IPO9: variants seen among roughly 807,000 people sequenced by gnomAD.
The protein encoded by IPO9 is importin 9, also known as importin-9.
A neutral mutation model predicts 128.6 loss-of-function variants in IPO9; 28 were observed. The ratio of observed to expected loss-of-function variants is 0.22; its 90% CI spans 0.16 to 0.30. The LOEUF (loss-of-function observed/expected upper bound fraction) is 0.30, where lower values mean the gene tolerates loss of function less well. Among genes scored for constraint, IPO9 ranks in the 10% least tolerant of loss-of-function variants. The pLI is 1.00. For synonymous variants in IPO9, 455 were observed against 475.8 expected (o/e 0.96, Z 0.57); for missense variants, 935 against 1,293.9 (o/e 0.72, Z 4.26).
rs1409850121 is a variant in IPO9 at position 201,876,201 on chromosome 1, T to C, written c.*147T>C. On this transcript the variant is annotated 3_prime_UTR_variant, in exon 24 of 24. Coordinates refer to ENST00000361565, the MANE Select transcript of IPO9 (RefSeq NM_018085.5). Reference sequence around the variant, plus strand: ...GCCTCGGCAGTGACACTGATGACAATTCAGACCAGGCTCACCGGTGCCGTC... The same window carrying C: ...GCCTCGGCAGTGACACTGATGACAACTCAGACCAGGCTCACCGGTGCCGTC... The C allele has an allele frequency of 1.3e-6, 1 of 750,300 alleles. No homozygotes were observed. The highest frequency in any genetic ancestry group is 2.5e-6 in the Non-Finnish European group (1 of 403,640). 46.5% of individuals were successfully genotyped at this position (750,300 alleles called of 1,614,324 possible).
intron 1 of IPO9, among the ~76,000 whole-genome samples, chr1:201,838,507 C>G (rs901889088): frequency 1.3e-5 from 2 of 152,144 alleles, no homozygotes; most frequent in African/African-American, 4.8e-5. Flanking sequence ...ATAGATTTAA[C>G]CAGAGTCTGT....
intron 1 of IPO9, among the ~76,000 whole-genome samples, chr1:201,833,248 T>A (rs1341171439): frequency 1.4e-5 from 2 of 148,100 alleles, no homozygotes; most frequent in Non-Finnish European, 2.9e-5. Flanking sequence ...TTTTTTAATT[T>A]TATTTTTTGA....
In IPO9 at chr1:201,857,212, C is replaced by T. The variant is rs2172935; in HGVS notation, c.1221+18C>T. ...TGTTGCTGGTAAGTTTACCTTGATA[C>T]TTCAGCCACATAATTTCTATCAGTC... On this transcript the variant is annotated intron_variant, in intron 11 of 23. Transcript: ENST00000361565. 0.31 allele frequency: 452,682 copies of T among 1,453,406 alleles called. 73,310 individuals carry two copies. Among genetic ancestry groups the T allele is most frequent in the Non-Finnish European group, 0.34 (348,268 of 1,034,524 alleles). 90.0% of individuals were successfully genotyped at this position (1,453,406 alleles called of 1,614,324 possible).
rs75133834 is a variant in IPO9 at position 201,882,459 on chromosome 1, C to T, written c.*6405C>T. The T allele has an allele frequency of 8.4e-6, 1 of 119,248 alleles. No individual in the cohort carries two copies. Among genetic ancestry groups the T allele is most frequent in the African/African-American group, 3.1e-5 (1 of 32,214 alleles). 7.4% of individuals were successfully genotyped at this position (119,248 alleles called of 1,614,324 possible). On this transcript the variant is annotated 3_prime_UTR_variant, in exon 24 of 24. Coordinates refer to ENST00000361565, the MANE Select transcript of IPO9 (RefSeq NM_018085.5). The stretch of plus-strand genomic sequence containing the variant: ...AAAAAAAAAAAAACAAAAAAAAAAA[C>T]AAGTTTTGTGAATTTAAGTTTCCCT...
chr1:201,851,675 T>C (rs1429804791), intron 4 of IPO9, among the ~76,000 whole-genome samples: 1 of 152,142 alleles, frequency 6.6e-6, no homozygotes, highest in African/African-American at 2.4e-5. Flanking sequence ...TGTACATATT[T>C]TATTACATGC....
rs745827128 is a variant in IPO9 at position 201,852,991 on chromosome 1, T to G, written c.604-20T>G. The G allele has an allele frequency of 1.9e-6, 3 of 1,607,168 alleles. No homozygotes were observed. Among genetic ancestry groups the G allele is most frequent in the Admixed American group, 1.7e-5 (1 of 60,016 alleles). ...CTCCAGTCTCGTGGCTATGCTGTTA[T>G]GCTGTAACCTTTCTTCCAGGTGTAT... On this transcript the variant is annotated intron_variant, in intron 5 of 23. Transcript: ENST00000361565.
chr1:201,862,052 G>C (rs951737379), intron 13 of IPO9, among the ~76,000 whole-genome samples: 3 of 152,204 alleles, frequency 2.0e-5, no homozygotes, highest in Non-Finnish European at 4.4e-5. Flanking sequence ...CTGATCTTAG[G>C]GAGCCTTGAA....
intron 13 of IPO9, among the ~76,000 whole-genome samples, chr1:201,862,576 G>A (rs758045688): frequency 6.6e-6 from 1 of 151,968 alleles, no homozygotes; most frequent in Non-Finnish European, 1.5e-5. Context: ...GGAGGCCAAG[G>A]CAGGCAGATC....
intron 4 of IPO9, among the ~76,000 whole-genome samples, chr1:201,850,983 G>A (rs1162242728): frequency 6.6e-6 from 1 of 151,928 alleles, no homozygotes; most frequent in African/African-American, 2.4e-5. Flanking sequence ...CCCCCAAAAT[G>A]TCCCAAGTGG....
chr1:201,831,893 TG>T (rs375927236), intron 1 of IPO9, among the ~76,000 whole-genome samples: 1 of 149,512 alleles, frequency 6.7e-6, no homozygotes. Flanking sequence ...CTTTTGTTGT[TG>T]TTGTTGTTGT....
At chr1:201,848,837 T>A (rs1680166684) in intron 4 of IPO9, among the ~76,000 whole-genome samples, 1 of 152,210 alleles carries the variant, frequency 6.6e-6, no homozygotes, top group African/African-American at 2.4e-5. Context: ...AGCATAGTGA[T>A]GGAGTATTCA....
chr1:201,833,839 G>A (rs1571536190), intron 1 of IPO9, among the ~76,000 whole-genome samples: 1 of 152,120 alleles, frequency 6.6e-6, no homozygotes. Context: ...AGGCTAGAGT[G>A]CAGTGGTGTG....
At position 201,879,339 on chromosome 1, in the gene IPO9, G is replaced by A. The variant is rs772748341; in HGVS notation, c.*3285G>A. ...GACATTTTAGTCAAAGCATTAGACA[G>A]ACAGAGAAGTTGGTAACTGACCACT... On this transcript the variant is annotated 3_prime_UTR_variant, in exon 24 of 24. Transcript: ENST00000361565. The A allele has an allele frequency of 6.6e-6, 1 of 152,244 alleles. No individual in the cohort carries two copies. The highest frequency in any genetic ancestry group is 1.5e-5 in the Non-Finnish European group (1 of 68,050). The allele number at this position is 152,244 out of a possible 1,614,324, so 9.4% of individuals were successfully genotyped here. A position where few individuals can be genotyped will look rare whatever the true frequency, so the allele number is the denominator to read the frequency against.
intron 13 of IPO9, among the ~76,000 whole-genome samples, chr1:201,861,640 C>T (rs750491327): frequency 1.9e-4 from 29 of 152,096 alleles, no homozygotes; most frequent in Non-Finnish European, 3.5e-4. Flanking sequence ...ATCTGTATTG[C>T]GTAATTTGAC....
In IPO9 at chr1:201,869,577, T is replaced by G. The variant is rs1680612240; in HGVS notation, c.2005-13T>G. On this transcript the variant is annotated splice_polypyrimidine_tract_variant and intron_variant, in intron 16 of 23. Coordinates refer to ENST00000361565, the MANE Select transcript of IPO9 (RefSeq NM_018085.5). Reference sequence around the variant, plus strand: ...GAGGCAATTCTGACTTTTCTTTTTCTTCTCTCTTTCAGACAGCCATTGATA... The same window carrying G: ...GAGGCAATTCTGACTTTTCTTTTTCGTCTCTCTTTCAGACAGCCATTGATA... The G allele has an allele frequency of 6.2e-7, 1 of 1,613,720 alleles. No individual in the cohort carries two copies. The highest frequency in any genetic ancestry group is 1.3e-5 in the African/African-American group (1 of 74,926).
At position 201,876,345 on chromosome 1, in the gene IPO9, G is replaced by A. The variant is rs550829110; in HGVS notation, c.*291G>A. On this transcript the variant is annotated 3_prime_UTR_variant, in exon 24 of 24. Coordinates refer to ENST00000361565, the MANE Select transcript of IPO9 (RefSeq NM_018085.5). ...TCTGTTCCTAGAGCCCTCTGCTGGC[G>A]AGTCCAGAAACATTATTGCCCAGAA... The A allele has an allele frequency of 1.7e-4, 85 of 514,132 alleles. No homozygotes were observed. The highest frequency in any genetic ancestry group is 5.9e-4 in the East Asian group (16 of 27,146). The allele number at this position is 514,132 out of a possible 1,614,324, so 31.8% of individuals were successfully genotyped here.
Position 201,855,839 on chromosome 1 carries a change from C to G in IPO9, c.1027C>G (p.Leu343Val), listed in dbSNP as rs772836297. 1.2e-6 allele frequency: 2 copies of G among 1,612,610 alleles called. No homozygotes were observed. The highest frequency in any genetic ancestry group is 2.7e-5 in the African/African-American group (2 of 74,842). Residue 343 changes from leucine (L) to valine (V), a missense_variant, in exon 10 of 24, where the codon CTA (leucine) becomes GTA (valine). Physicochemically the swap from Leu to Val is conservative, Grantham distance 32. Coordinates refer to ENST00000361565, the MANE Select transcript of IPO9 (RefSeq NM_018085.5). ...VFSIFEFVHA[L>V]LENSKFKSTV... Reference sequence around the variant, plus strand: ...TAGCATTTTTGAATTTGTCCATGCTCTACTAGAAAATAGCAAATTCAAAAG... The same window carrying G: ...TAGCATTTTTGAATTTGTCCATGCTGTACTAGAAAATAGCAAATTCAAAAG...
intron 13 of IPO9, among the ~76,000 whole-genome samples, 156 bp downstream of exon 13, chr1:201,859,150 T>G (rs1680389183): frequency 7.4e-6 from 1 of 134,990 alleles, no homozygotes; most frequent in Non-Finnish European, 1.6e-5. Context: ...ACCTGCACAT[T>G]GTGTACATGT....
Position 201,881,908 on chromosome 1 carries a change from C to T in IPO9, c.*5854C>T, listed in dbSNP as rs1311186726. On this transcript the variant is annotated 3_prime_UTR_variant, in exon 24 of 24. Transcript: ENST00000361565. ...TGTTGACAAGATAAAGTCAGTAGGACTTAAAGACTGACAAGTAAGGATTTT... is the reference window on the plus strand; with the variant it reads ...TGTTGACAAGATAAAGTCAGTAGGATTTAAAGACTGACAAGTAAGGATTTT... 6.6e-6 allele frequency: 1 copy of T among 152,178 alleles called. No homozygotes were observed. Among genetic ancestry groups the T allele is most frequent in the Non-Finnish European group, 1.5e-5 (1 of 68,034 alleles). The allele number at this position is 152,178 out of a possible 1,614,324, so 9.4% of individuals were successfully genotyped here.
Sources: gnomAD v4.1 joint callset for allele counts (sites outside exome capture counted in the v4.1 genomes callset) on GRCh38, gnomAD v4.1.1 for gene constraint, MANE v1.5 for transcripts, NCBI Gene and HGNC (gene_info 2026-07-23, HGNC 2026-07-21) for gene names.